Variants in FRAS1 observed in about 807,000 individuals in gnomAD.
FRAS1 encodes Fraser extracellular matrix complex subunit 1.
FRAS1 carries 290 observed loss-of-function variants against 435.2 expected under a neutral mutation model. The ratio of observed to expected loss-of-function variants is 0.67; its 90% CI spans 0.61 to 0.73. FRAS1 has a LOEUF of 0.73. Among genes scored for constraint, FRAS1 ranks in the 30% least tolerant of loss-of-function variants. The pLI is 0.00. For missense variants in FRAS1, 4,860 were observed against 5,001.5 expected, an observed-to-expected ratio of 0.97 and a Z score of 0.85; for synonymous variants, 1,800 against 1,851.0, an observed-to-expected ratio of 0.97 and a Z score of 0.71.
intron 2 of FRAS1, among the ~76,000 whole-genome samples, chr4:78,162,338 CTTG>C (rs1397846484): frequency 6.6e-6 from 1 of 152,082 alleles, no homozygotes; most frequent in Non-Finnish European, 1.5e-5. Context: ...GTGTTTCCAT[CTTG>C]TTGTTCGGTC....
chr4:78,069,576 C>T (rs1260162606), intron 2 of FRAS1, among the ~76,000 whole-genome samples: 1 of 142,266 alleles, frequency 7.0e-6, no homozygotes, highest in Admixed American at 7.1e-5. Context: ...TCTGGAACCT[C>T]TTATTGCCCC....
intron 2 of FRAS1, among the ~76,000 whole-genome samples, chr4:78,081,978 C>T (rs1015283703): frequency 2.0e-5 from 3 of 151,920 alleles, no homozygotes; most frequent in South Asian, 2.1e-4. Context: ...CTTTTTTTCC[C>T]GCATCTTACT....
chr4:78,373,237 C>T (rs1211848715), intron 24 of FRAS1, among the ~76,000 whole-genome samples: 1 of 151,980 alleles, frequency 6.6e-6, no homozygotes, highest in Admixed American at 6.6e-5. Flanking sequence ...CCCCCTTCAA[C>T]CCTCTGTATA....
At chr4:78,405,494 T>C (rs1375341057) in intron 30 of FRAS1, among the ~76,000 whole-genome samples, 1 of 152,156 alleles carries the variant, frequency 6.6e-6, no homozygotes, top group Non-Finnish European at 1.5e-5. Context: ...TAAAGAGTAG[T>C]GTAGTCATGT....
intron 2 of FRAS1, among the ~76,000 whole-genome samples, chr4:78,116,074 C>A (rs1428183431): frequency 6.6e-6 from 1 of 152,182 alleles, no homozygotes; most frequent in African/African-American, 2.4e-5. Context: ...TTTCTGCCTT[C>A]ATTTCATTAT....
chr4:78,319,427 A>T (rs746950785), intron 18 of FRAS1: 20 of 456,924 alleles, frequency 4.4e-5, no homozygotes, highest in Non-Finnish European at 4.4e-6. Flanking sequence ...TATCATCTAC[A>T]GAGAATTGAT....
intron 20 of FRAS1, among the ~76,000 whole-genome samples, chr4:78,347,162 T>G (rs1211533513): frequency 5.9e-5 from 9 of 152,222 alleles, no homozygotes; most frequent in Admixed American, 5.9e-4. Flanking sequence ...CACCCACTAC[T>G]GATTTTTCAA....
At chr4:78,143,268 CA>C (rs1398894823) in intron 2 of FRAS1, among the ~76,000 whole-genome samples, 1 of 152,112 alleles carries the variant, frequency 6.6e-6, no homozygotes, top group Non-Finnish European at 1.5e-5. Context: ...ATGTAAGAGT[CA>C]ATCCACTAAG....
intron 70 of FRAS1, among the ~76,000 whole-genome samples, chr4:78,530,558 G>A (rs116069057): frequency 0.015 from 2,208 of 152,232 alleles, 43 homozygotes; most frequent in African/African-American, 0.051. Flanking sequence ...TTAATAAATA[G>A]CATTGGGAAA....
At chr4:78,475,745 T>G in intron 54 of FRAS1, 139 bp downstream of exon 54, 1 of 746,500 alleles carries the variant, frequency 1.3e-6, no homozygotes, top group South Asian at 2.9e-5. Flanking sequence ...TTTTCCTATG[T>G]TCCCCTCCCA....
intron 64 of FRAS1, 127 bp downstream of exon 64, chr4:78,511,633 T>C: frequency 1.3e-6 from 1 of 788,772 alleles, no homozygotes; most frequent in Non-Finnish European, 2.2e-6. Context: ...AATGCATCAG[T>C]AAAAGTTTAA....
At chr4:78,305,084 A>T (rs1728639626) in intron 14 of FRAS1, among the ~76,000 whole-genome samples, 1 of 152,200 alleles carries the variant, frequency 6.6e-6, no homozygotes, top group African/African-American at 2.4e-5. Context: ...TTGGTTTCAA[A>T]GAACATCTTT....
chr4:78,087,345 T>C (rs566634885), intron 2 of FRAS1, among the ~76,000 whole-genome samples: 28 of 152,130 alleles, frequency 1.8e-4, no homozygotes, highest in African/African-American at 6.3e-4. Flanking sequence ...ATTGGAAGCA[T>C]TCCCTTTGAA....
intron 41 of FRAS1, among the ~76,000 whole-genome samples, chr4:78,443,587 T>C (rs184382209): frequency 6.6e-6 from 1 of 152,250 alleles, no homozygotes; most frequent in Non-Finnish European, 1.5e-5. Flanking sequence ...TCCAGTGCTA[T>C]GCAGTGATGG....
At chr4:78,344,910 AG>A (rs1730548815) in intron 20 of FRAS1, among the ~76,000 whole-genome samples, 1 of 152,230 alleles carries the variant, frequency 6.6e-6, no homozygotes, top group African/African-American at 2.4e-5. Context: ...TTTCAGTTGT[AG>A]TCAACAGCTA....
chr4:78,288,990 G>A (rs1253599932), intron 14 of FRAS1, among the ~76,000 whole-genome samples: 1 of 152,198 alleles, frequency 6.6e-6, no homozygotes, highest in Non-Finnish European at 1.5e-5. Flanking sequence ...GGTCATTTAT[G>A]TGATGATTGG....
At chr4:78,134,324 G>A (rs551891770) in intron 2 of FRAS1, among the ~76,000 whole-genome samples, 13 of 152,118 alleles carry the variant, frequency 8.5e-5, no homozygotes, top group Middle Eastern at 3.4e-3. Context: ...GATTTTGGCC[G>A]TAGAGGTTTT....
chr4:78,483,768 C>CTATATATA lies in FRAS1; in HGVS notation c.8752+1234_8752+1235insATATATAT, dbSNP rs1491536432. 4.6e-4 allele frequency among the ~76,000 whole-genome samples: 3 copies of CTATATATA among 6,514 alleles called. 1 individual carries two copies. The highest frequency in any genetic ancestry group is 5.0e-4 in the Non-Finnish European group (1 of 1,992). The allele number at this position is 6,514 out of a possible 152,430, so 4.3% of individuals were successfully genotyped here. A position where few individuals can be genotyped will look rare whatever the true frequency, so the allele number is the denominator to read the frequency against. ...TTTATCCTTCAGGAGAAAAAAAAAA[C>CTATATATA]TCTCTCTCTCTCTCTATATATATAT... On this transcript the variant is annotated intron_variant, in intron 58 of 73. Transcript: ENST00000512123.
intron 2 of FRAS1, among the ~76,000 whole-genome samples, chr4:78,094,859 C>G (rs1000695369): frequency 2.0e-5 from 3 of 152,068 alleles, no homozygotes; most frequent in African/African-American, 7.2e-5. Flanking sequence ...ATTCCTATGC[C>G]TTGATTTCCT....
Sources: gnomAD v4.1 joint callset for allele counts (sites outside exome capture counted in the v4.1 genomes callset) on GRCh38, gnomAD v4.1.1 for gene constraint, MANE v1.5 for transcripts, NCBI Gene and HGNC (gene_info 2026-07-23, HGNC 2026-07-21) for gene names.